Variants in SHLD2 observed in about 807,000 individuals in gnomAD.
The protein encoded by SHLD2 is shieldin complex subunit 2.
A neutral mutation model predicts 73.2 loss-of-function variants in SHLD2; 30 were observed. The observed-to-expected ratio is 0.41, with a 90% CI of 0.31 to 0.56. SHLD2 has a LOEUF of 0.56. Among genes scored for constraint, SHLD2 ranks in the 20% least tolerant of loss-of-function variants. The pLI, the probability that SHLD2 is intolerant of heterozygous loss-of-function variation, is 0.28. For synonymous variants in SHLD2, 285 were observed against 370.1 expected (o/e 0.77, Z 2.64); for missense variants, 745 against 1,055.9 (o/e 0.71, Z 4.08).
intron 2 of SHLD2, among the ~76,000 whole-genome samples, chr10:87,144,538 A>G (rs1237191691): frequency 2.7e-5 from 4 of 149,206 alleles, no homozygotes; most frequent in Admixed American, 6.8e-5. Context: ...AAATCATCTT[A>G]TATCCTTTCA....
In SHLD2 at chr10:87,130,926, G is replaced by C. The variant is rs575062721; in HGVS notation, c.-5-20424G>C. On this transcript the variant is annotated intron_variant, in intron 2 of 9. Coordinates refer to ENST00000298786, the MANE Select transcript of SHLD2 (RefSeq NM_001330112.2). The stretch of plus-strand genomic sequence containing the variant: ...TCTCTACTATAGAAAAATTAACCCA[G>C]TGTGGTGGTGCACGCCTGTGGTCCC... Among the ~76,000 whole-genome samples the C allele has an allele frequency of 3.3e-5, 5 of 152,198 alleles. No homozygotes were observed. In the East Asian group the frequency reaches 9.7e-4, roughly 29 times the overall value.
chr10:87,151,109 C>T (rs1845982753), intron 2 of SHLD2, among the ~76,000 whole-genome samples: 1 of 152,150 alleles, frequency 6.6e-6, no homozygotes, highest in African/African-American at 2.4e-5. Flanking sequence ...AGGTGTGAGC[C>T]ACTGCGCCCG....
chr10:87,188,780 A>T (rs1848803137), intron 9 of SHLD2, among the ~76,000 whole-genome samples: 1 of 152,062 alleles, frequency 6.6e-6, no homozygotes, highest in Non-Finnish European at 1.5e-5. Flanking sequence ...TGGCTGTTTT[A>T]CAACCTTGGT....
At chr10:87,107,394 A>ACAAGAGGC (rs1396843556) in intron 2 of SHLD2, among the ~76,000 whole-genome samples, 1 of 152,166 alleles carries the variant, frequency 6.6e-6, no homozygotes, top group Non-Finnish European at 1.5e-5. Context: ...AGCCTGGGCA[A>ACAAGAGGC]CAAGAGGGAA....
chr10:87,110,960 C>T (rs1364706665), intron 2 of SHLD2, among the ~76,000 whole-genome samples: 9 of 151,582 alleles, frequency 5.9e-5, no homozygotes, highest in African/African-American at 1.9e-4. Context: ...TCTCCTGCCT[C>T]AGTCTCCCAA....
chr10:87,169,945 T>G (rs1463350107), intron 4 of SHLD2, among the ~76,000 whole-genome samples: 2 of 152,090 alleles, frequency 1.3e-5, no homozygotes, highest in East Asian at 3.8e-4. Context: ...TGGTATTGGG[T>G]AGGACAAGAC....
intron 4 of SHLD2, among the ~76,000 whole-genome samples, chr10:87,167,458 A>C (rs1284824329): frequency 1.3e-5 from 2 of 152,138 alleles, no homozygotes; most frequent in African/African-American, 4.8e-5. Context: ...GAAAGAGTAA[A>C]CCAATTTGGT....
At chr10:87,150,320 T>A (rs1319321425) in intron 2 of SHLD2, among the ~76,000 whole-genome samples, 1 of 151,936 alleles carries the variant, frequency 6.6e-6, no homozygotes, top group South Asian at 2.1e-4. Context: ...CCCCTTGGCC[T>A]CCCAAAGTGC....
intron 2 of SHLD2, among the ~76,000 whole-genome samples, chr10:87,120,055 C>T (rs559397884): frequency 3.6e-4 from 54 of 151,704 alleles, no homozygotes; most frequent in African/African-American, 1.3e-3. Context: ...TCGAAATGCC[C>T]CCTAGTAAGC....
chr10:87,146,402 T>C (rs995747713), intron 2 of SHLD2, among the ~76,000 whole-genome samples: 1 of 152,096 alleles, frequency 6.6e-6, no homozygotes, highest in African/African-American at 2.4e-5. Flanking sequence ...CAAGCGATTC[T>C]CCTGCCTCAG....
chr10:87,101,635 A>G (rs543699127), intron 2 of SHLD2, among the ~76,000 whole-genome samples: 62 of 152,326 alleles, frequency 4.1e-4, no homozygotes, highest in African/African-American at 1.4e-3. Flanking sequence ...TAGGCTGGGC[A>G]TGGTGGCTCA....
intron 2 of SHLD2, among the ~76,000 whole-genome samples, chr10:87,103,866 G>A (rs1488797630): frequency 2.6e-5 from 4 of 152,148 alleles, no homozygotes; most frequent in Non-Finnish European, 5.9e-5. Flanking sequence ...CTTTCATGTT[G>A]TGAGTAAACA....
Position 87,151,815 on chromosome 10 carries a change from A to C in SHLD2, c.461A>C (p.His154Pro), listed in dbSNP as rs750593174. The change falls in exon 3 of 10, where the codon CAT becomes CCT. Residue 154 changes from histidine to proline, a missense_variant. By Grantham distance (77) the His-to-Pro change is moderately conservative (BLOSUM62 -2). Coordinates refer to ENST00000298786, the MANE Select transcript of SHLD2 (RefSeq NM_001330112.2). The stretch of plus-strand genomic sequence containing the variant: ...AAAATTAGAGATGAACAGCCTAAAC[A>C]TCAGCCAGATATATGTGGTAAGAAC... ...ENKIRDEQPKHQPDICGKNFN... is the reference protein window; with the variant it reads ...ENKIRDEQPKPQPDICGKNFN... 7 of 1,611,860 alleles carry C rather than the reference A, an allele frequency of 4.3e-6. No homozygotes were observed. The African/African-American group carries it at 9.4e-5, about 22-fold the overall frequency.
At chr10:87,106,594 G>A (rs1274480334) in intron 2 of SHLD2, among the ~76,000 whole-genome samples, 1 of 152,134 alleles carries the variant, frequency 6.6e-6, no homozygotes, top group Non-Finnish European at 1.5e-5. Flanking sequence ...CAGCTTTTAA[G>A]GAAGTAGTTT....
chr10:87,180,415 A>C, intron 8 of SHLD2, 112 bp downstream of exon 8: 1 of 1,416,682 alleles, frequency 7.1e-7, no homozygotes, highest in Non-Finnish European at 9.5e-7. Context: ...AGTCGAAGAG[A>C]ATAAAATTTT....
At chr10:87,117,978 A>G (rs1190879644) in intron 2 of SHLD2, among the ~76,000 whole-genome samples, 3 of 152,214 alleles carry the variant, frequency 2.0e-5, no homozygotes, top group East Asian at 1.9e-4. Context: ...GTAATTCACA[A>G]TGAACCTCAA....
chr10:87,132,432 C>G (rs374717268), intron 2 of SHLD2, among the ~76,000 whole-genome samples: 2 of 152,118 alleles, frequency 1.3e-5, no homozygotes, highest in African/African-American at 4.8e-5. Flanking sequence ...TAACTACAGT[C>G]AAAAAGCTAT....
intron 6 of SHLD2, among the ~76,000 whole-genome samples, chr10:87,172,303 C>A (rs1193174168): frequency 1.3e-5 from 2 of 151,952 alleles, no homozygotes; most frequent in Non-Finnish European, 2.9e-5. Context: ...TTCAAGAGAC[C>A]AACCCCATTT....
At chr10:87,187,462 A>T (rs1212828938) in intron 9 of SHLD2, among the ~76,000 whole-genome samples, 1 of 152,194 alleles carries the variant, frequency 6.6e-6, no homozygotes, top group Non-Finnish European at 1.5e-5. Flanking sequence ...ATTTTACTTA[A>T]CTCTAGTTTT....
Sources: gnomAD v4.1 joint callset for allele counts (sites outside exome capture counted in the v4.1 genomes callset) on GRCh38, gnomAD v4.1.1 for gene constraint, MANE v1.5 for transcripts, NCBI Gene and HGNC (gene_info 2026-07-23, HGNC 2026-07-21) for gene names.